The following MIPOL1 variants were observed in gnomAD, a reference collection of about 807,000 sequenced individuals.
MIPOL1 encodes mirror-image polydactyly 1.
In MIPOL1, 57 loss-of-function variants were observed where a neutral mutation model predicts 60.9. That is an observed-to-expected ratio of 0.94 (90% CI 0.76 to 1.17). The LOEUF is 1.17. Among genes scored for constraint, MIPOL1 ranks in the 50% most tolerant of loss-of-function variants. The pLI is 0.00. For synonymous variants in MIPOL1, 179 were observed against 168.8 expected, an observed-to-expected ratio of 1.06 and a Z score of -0.47; for missense variants, 551 against 511.6, an observed-to-expected ratio of 1.08 and a Z score of -0.74.
At chr14:37,497,909 A>C (rs1160780961) in intron 11 of MIPOL1, among the ~76,000 whole-genome samples, 1 of 152,192 alleles carries the variant, frequency 6.6e-6, no homozygotes, top group African/African-American at 2.4e-5. Flanking sequence ...ACTAAATCTG[A>C]AAATAATGCA....
intron 10 of MIPOL1, among the ~76,000 whole-genome samples, chr14:37,410,323 G>T (rs759876047): frequency 6.6e-6 from 1 of 151,988 alleles, no homozygotes; most frequent in African/African-American, 2.4e-5. Context: ...AAACCTGCAC[G>T]TCGTGCACAT....
At chr14:37,456,846 A>G (rs529565932) in intron 11 of MIPOL1, among the ~76,000 whole-genome samples, 4 of 152,282 alleles carry the variant, frequency 2.6e-5, no homozygotes, top group Admixed American at 6.5e-5. Flanking sequence ...TCTTATAAAA[A>G]TATAGAATCT....
intron 11 of MIPOL1, among the ~76,000 whole-genome samples, chr14:37,460,715 C>T (rs928475338): frequency 1.3e-5 from 2 of 152,136 alleles, no homozygotes; most frequent in African/African-American, 4.8e-5. Context: ...ATACCAATAA[C>T]ATTCAAGCTG....
At chr14:37,273,717 A>G (rs538231240) in intron 6 of MIPOL1, among the ~76,000 whole-genome samples, 20 of 151,542 alleles carry the variant, frequency 1.3e-4, no homozygotes, top group African/African-American at 1.9e-4. Flanking sequence ...TCCAGGTTCA[A>G]ATTACAGCTT....
chr14:37,484,150 A>T (rs931186920), intron 11 of MIPOL1, among the ~76,000 whole-genome samples: 4 of 152,096 alleles, frequency 2.6e-5, no homozygotes, highest in Non-Finnish European at 5.9e-5. Flanking sequence ...TTTGAAGTTT[A>T]ATTGTGATGT....
chr14:37,431,666 C>T (rs2094071700), intron 11 of MIPOL1, among the ~76,000 whole-genome samples: 1 of 146,632 alleles, frequency 6.8e-6, no homozygotes, highest in African/African-American at 2.5e-5. Context: ...GCAAGCTCCA[C>T]CTCCCAGGTT....
At chr14:37,353,749 G>C (rs1317382931) in intron 9 of MIPOL1, among the ~76,000 whole-genome samples, 1 of 152,094 alleles carries the variant, frequency 6.6e-6, no homozygotes, top group Non-Finnish European at 1.5e-5. Flanking sequence ...GATCAGTGGT[G>C]ATATCCAGTT....
chr14:37,308,702 A>G (rs1306552377), intron 9 of MIPOL1, among the ~76,000 whole-genome samples, 183 bp downstream of exon 9: 1 of 152,170 alleles, frequency 6.6e-6, no homozygotes, highest in Non-Finnish European at 1.5e-5. Context: ...TGTTCAAAAT[A>G]TGAAACCTCA....
chr14:37,397,867 C>T (rs565640973), intron 10 of MIPOL1, among the ~76,000 whole-genome samples: 3 of 152,220 alleles, frequency 2.0e-5, no homozygotes, highest in East Asian at 1.9e-4. Flanking sequence ...GTGAGCAAGC[C>T]GGGCTTAAGA....
chr14:37,424,107 TC>T (rs1239698792), intron 11 of MIPOL1, among the ~76,000 whole-genome samples: 1 of 152,152 alleles, frequency 6.6e-6, no homozygotes, highest in Non-Finnish European at 1.5e-5. Context: ...TATAATTCTT[TC>T]CCATCCCCAA....
chr14:37,270,589 TC>T (rs1375844353), intron 6 of MIPOL1, 64 bp downstream of exon 6: 1 of 804,372 alleles, frequency 1.2e-6, no homozygotes, highest in African/African-American at 1.8e-5. Context: ...ATATGATGTA[TC>T]TTGGTGAATA....
intron 11 of MIPOL1, among the ~76,000 whole-genome samples, chr14:37,459,846 G>T (rs1295618931): frequency 6.6e-6 from 1 of 152,094 alleles, no homozygotes; most frequent in Non-Finnish European, 1.5e-5. Flanking sequence ...AGGCCGGGGT[G>T]GGCAGATAAG....
At chr14:37,298,818 T>G (rs562516533) in intron 7 of MIPOL1, among the ~76,000 whole-genome samples, 4,288 of 150,042 alleles carry the variant, frequency 0.029, 116 homozygotes, top group African/African-American at 0.072. Context: ...GAGAGGATGT[T>G]GAGAAATAGG....
chr14:37,334,338 A>G (rs139369607), intron 9 of MIPOL1, among the ~76,000 whole-genome samples: 8 of 152,126 alleles, frequency 5.3e-5, no homozygotes, highest in African/African-American at 1.7e-4. Flanking sequence ...TGTTCAGACA[A>G]TCTTAAAAAA....
At chr14:37,543,727 T>C (rs777878764) in intron 12 of MIPOL1, among the ~76,000 whole-genome samples, 1 of 152,248 alleles carries the variant, frequency 6.6e-6, no homozygotes, top group Non-Finnish European at 1.5e-5. Context: ...TCTTCTGACC[T>C]ACAGGTCAAC....
intron 9 of MIPOL1, among the ~76,000 whole-genome samples, chr14:37,334,123 CTG>C (rs2089940039): frequency 6.6e-6 from 1 of 151,976 alleles, no homozygotes; most frequent in African/African-American, 2.4e-5. Flanking sequence ...AATATAATAA[CTG>C]AATAATATAC....
At chr14:37,452,710 A>C (rs2094436576) in intron 11 of MIPOL1, among the ~76,000 whole-genome samples, 1 of 152,258 alleles carries the variant, frequency 6.6e-6, no homozygotes, top group Non-Finnish European at 1.5e-5. Flanking sequence ...TCTTGATTAA[A>C]CAGAAGAATG....
At chr14:37,476,519 G>A (rs1306325208) in intron 11 of MIPOL1, among the ~76,000 whole-genome samples, 2 of 152,102 alleles carry the variant, frequency 1.3e-5, no homozygotes, top group South Asian at 2.1e-4. Flanking sequence ...CTTGATCGTA[G>A]GGGTAAAGCA....
intron 1 of MIPOL1, among the ~76,000 whole-genome samples, chr14:37,217,762 G>A (rs192114236): frequency 6.6e-6 from 1 of 152,272 alleles, no homozygotes. Context: ...AGCCAGATAT[G>A]ACTGACCCAC....
Sources: gnomAD v4.1 joint callset for allele counts (sites outside exome capture counted in the v4.1 genomes callset) on GRCh38, gnomAD v4.1.1 for gene constraint, MANE v1.5 for transcripts, NCBI Gene and HGNC (gene_info 2026-07-23, HGNC 2026-07-21) for gene names.